The following DNTTIP2 variants were observed in gnomAD, a reference collection of about 807,000 sequenced individuals.
DNTTIP2 encodes the protein deoxynucleotidyltransferase terminal-interacting protein 2.
Under a neutral mutation model 62.4 loss-of-function variants are expected in DNTTIP2, and 47 were observed. The observed-to-expected ratio is 0.75, with a 90% CI of 0.60 to 0.96. DNTTIP2 has a LOEUF of 0.96. Among genes scored for constraint, DNTTIP2 ranks in the 40% least tolerant of loss-of-function variants. The pLI, the probability that DNTTIP2 is intolerant of heterozygous loss-of-function variation, is 0.00. For missense variants in DNTTIP2, 870 were observed against 849.1 expected (o/e 1.02, Z -0.31); for synonymous variants, 322 against 300.9 (o/e 1.07, Z -0.73).
At chr1:93,877,911 G>A in intron 1 of DNTTIP2, 49 bp from the exon 2 acceptor site, 2 of 1,544,022 alleles carry the variant, frequency 1.3e-6, no homozygotes, top group South Asian at 2.4e-5. Context: ...CTGGAACAAG[G>A]GCAAAGCAAA....
chr1:93,873,000 A>G, intron 4 of DNTTIP2, 119 bp downstream of exon 4: 1 of 623,310 alleles, frequency 1.6e-6, no homozygotes, highest in East Asian at 3.0e-5. Flanking sequence ...ATCTGTAATT[A>G]TTTTCTTTGG....
Position 93,877,811 on chromosome 1 carries a change from C to T in DNTTIP2, c.124G>A (p.Asp42Asn). ...QAHPESSTGS[D>N]ARTTAESQTT... is the part of the protein sequence containing the mutation. ...TGTGATTCAGCAGTAGTTCGGGCAT[C>T]AGATCCAGTACTACTTTCTGGATGC... The change falls in exon 2 of 7, where the codon GAT (aspartate) becomes AAT (asparagine). Residue 42 changes from aspartate to asparagine, a missense_variant. Transcript: ENST00000436063. The T allele has an allele frequency of 6.2e-7, 1 of 1,606,126 alleles. No individual in the cohort carries two copies.
chr1:93,875,340 T>C (rs973410219), intron 3 of DNTTIP2, among the ~76,000 whole-genome samples: 3 of 152,166 alleles, frequency 2.0e-5, no homozygotes, highest in African/African-American at 7.2e-5. Context: ...CTCAACAGTC[T>C]ACACTAGTTA....
At chr1:93,878,017 CA>C (rs1159579711) in intron 1 of DNTTIP2, 155 bp from the exon 2 acceptor site, 4 of 1,239,448 alleles carry the variant, frequency 3.2e-6, no homozygotes, top group Non-Finnish European at 4.3e-6. Context: ...TTTAAAAAAT[CA>C]AAATTTGGCC....
chr1:93,875,708 A>G lies in DNTTIP2; in HGVS notation c.1743T>C (p.Asn581=). The change falls in exon 3 of 7, where the codon AAT becomes AAC. Residue 581 remains asparagine (N), a synonymous_variant. Transcript: ENST00000436063. ...KQLGGLYINF[N]ADKLQSNKRT... ...TCTTGTTAGACTGTAGTTTATCTGC[A>G]TTAAAATTAATATACAAACCACCCA... 1.2e-6 allele frequency: 2 copies of G among 1,613,556 alleles called. No homozygotes were observed. The highest frequency in any genetic ancestry group is 4.5e-5 in the East Asian group (2 of 44,836).
intron 6 of DNTTIP2, 149 bp downstream of exon 6, chr1:93,870,534 C>T (rs1008122721): frequency 2.3e-6 from 1 of 431,322 alleles, no homozygotes; most frequent in African/African-American, 2.0e-5. Context: ...GAGATTTGCA[C>T]TAAATTATTT....
chr1:93,876,369 C>T lies in DNTTIP2; in HGVS notation c.1566G>A (p.Glu522=). 1 of 1,572,380 alleles carries T rather than the reference C, an allele frequency of 6.4e-7. No individual in the cohort carries two copies. Among genetic ancestry groups the T allele is most frequent in the Non-Finnish European group, 8.6e-7 (1 of 1,157,546 alleles). ...SEVAIEEEKE[E]EEDEKSEEDS... Reference sequence around the variant, plus strand: ...CTTCTTCACTTTTTTCATCCTCTTCCTCTTCTTTTTCTTCCTCAATGGCAA... The same window carrying T: ...CTTCTTCACTTTTTTCATCCTCTTCTTCTTCTTTTTCTTCCTCAATGGCAA... Residue 522 remains glutamate, a synonymous_variant, in exon 2 of 7, where the codon GAG becomes GAA. Transcript: ENST00000436063.
In DNTTIP2 at chr1:93,876,449, C is replaced by T. The variant is rs748654904; in HGVS notation, c.1486G>A (p.Gly496Arg). Residue 496 changes from glycine to arginine, a missense_variant, in exon 2 of 7, where the codon GGA (glycine) becomes AGA (arginine). Transcript: ENST00000436063. ...TAAAAATTTTTATCAGCACTCATTC[C>T]AGGAGTTGTGTCAATTACAAACAAT... ...NALFVIDTTP[G>R]MSADKNFYLE... 6.2e-7 allele frequency: 1 copy of T among 1,613,802 alleles called. No homozygotes were observed. The highest frequency in any genetic ancestry group is 1.3e-5 in the African/African-American group (1 of 74,990).
Position 93,876,454 on chromosome 1 carries a change from G to C in DNTTIP2, c.1481C>G (p.Thr494Ser), listed in dbSNP as rs1399857308. ...CDNALFVIDT[T>S]PGMSADKNFY... is the part of the protein sequence containing the mutation. ...ATTTTTATCAGCACTCATTCCAGGA[G>C]TTGTGTCAATTACAAACAATGCATT... Residue 494 changes from threonine to serine, a missense_variant, in exon 2 of 7, where the codon ACT becomes AGT. Coordinates refer to ENST00000436063, the MANE Select transcript of DNTTIP2 (RefSeq NM_014597.5). 1 of 1,613,772 alleles carries C rather than the reference G, an allele frequency of 6.2e-7. No individual in the cohort carries two copies. Among genetic ancestry groups the C allele is most frequent in the Non-Finnish European group, 8.5e-7 (1 of 1,179,860 alleles).
intron 3 of DNTTIP2, among the ~76,000 whole-genome samples, chr1:93,874,236 G>T (rs1212458305): frequency 2.6e-5 from 4 of 152,172 alleles, no homozygotes; most frequent in Non-Finnish European, 5.9e-5. Flanking sequence ...TGGTGGTGAG[G>T]ATAAGGAAGA....
At chr1:93,877,885 T>C (rs2100890266) in intron 1 of DNTTIP2, 23 bp from the exon 2 acceptor site, 1 of 1,589,982 alleles carries the variant, frequency 6.3e-7, no homozygotes, top group Non-Finnish European at 8.5e-7. Flanking sequence ...GAAAACACAC[T>C]GTAATTTAGG....
At chr1:93,877,896 T>C (rs1170809542) in intron 1 of DNTTIP2, 34 bp from the exon 2 acceptor site, 4 of 1,580,674 alleles carry the variant, frequency 2.5e-6, no homozygotes, top group Non-Finnish European at 3.4e-6. Flanking sequence ...GTAATTTAGG[T>C]AGGGCTGGAA....
In DNTTIP2 at chr1:93,877,060, GTTTC is replaced by G. The variant is rs758210978; in HGVS notation, c.871_874del (p.Glu291GlnfsTer15). ...ATCCAAATCCTTACAATTCTGTTTT[GTTTC>G]TTTAAGAGATTCAACATTGGCCTGT... is the stretch of plus-strand genomic sequence containing the variant. On this transcript the variant is annotated frameshift_variant, in exon 2 of 7. Coordinates refer to ENST00000436063, the MANE Select transcript of DNTTIP2 (RefSeq NM_014597.5). LOFTEE classifies it high-confidence loss of function. 6 of 1,611,738 alleles carry G rather than the reference GTTTC, an allele frequency of 3.7e-6. No homozygotes were observed. Among genetic ancestry groups the G allele is most frequent in the Admixed American group, 1.7e-5 (1 of 59,974 alleles).
At chr1:93,873,495 A>T (rs1655921987) in intron 3 of DNTTIP2, 2 of 268,118 alleles carry the variant, frequency 7.5e-6, no homozygotes, top group Non-Finnish European at 1.4e-5. Context: ...CCAGCTACTC[A>T]GGACGCTAAG....
rs1209621564 is a variant in DNTTIP2 at position 93,875,528 on chromosome 1, A to C, written c.1806+117T>G. The C allele has an allele frequency of 3.0e-6, 3 of 1,008,622 alleles. No homozygotes were observed. The Admixed American group carries it at 9.7e-5, about 33-fold the overall frequency. 62.5% of individuals were successfully genotyped at this position (1,008,622 alleles called of 1,614,324 possible). A position where few individuals can be genotyped will look rare whatever the true frequency, so the allele number is the denominator to read the frequency against. On this transcript the variant is annotated intron_variant, in intron 3 of 6. Transcript: ENST00000436063. ...ATGACTGTTTTAGAGAGAAGGAAAA[A>C]ACTAACACATTAGGCCAATGTGGTT...
At position 93,867,519 on chromosome 1, in the gene DNTTIP2, G is replaced by C. The variant is rs574374656; in HGVS notation, c.*2332C>G. 2 of 151,774 alleles carry C rather than the reference G, an allele frequency of 1.3e-5. No individual in the cohort carries two copies. The highest frequency in any genetic ancestry group is 6.6e-5 in the Admixed American group (1 of 15,230). The allele number at this position is 151,774 out of a possible 1,614,324, so 9.4% of individuals were successfully genotyped here. Reference sequence around the variant, plus strand: ...TAATCGCTTGAACTTGGGAGGCGGAGGTTGCAGTGAGCTGAGATGGCACCA... The same window carrying C: ...TAATCGCTTGAACTTGGGAGGCGGACGTTGCAGTGAGCTGAGATGGCACCA... On this transcript the variant is annotated 3_prime_UTR_variant, in exon 7 of 7. Coordinates refer to ENST00000436063, the MANE Select transcript of DNTTIP2 (RefSeq NM_014597.5).
chr1:93,870,521 A>G (rs938440734), intron 6 of DNTTIP2, among the ~76,000 whole-genome samples, 162 bp downstream of exon 6: 2 of 152,162 alleles, frequency 1.3e-5, no homozygotes, highest in Admixed American at 6.5e-5. Context: ...GCCAGACATT[A>G]AAGAGATTTG....
Position 93,876,738 on chromosome 1 carries a change from A to G in DNTTIP2, c.1197T>C (p.Asp399=). 6.2e-7 allele frequency: 1 copy of G among 1,613,970 alleles called. No individual in the cohort carries two copies. The highest frequency in any genetic ancestry group is 1.1e-5 in the South Asian group (1 of 91,080). ...TKFGDCGGSD[D]EEESTVISVS... is the part of the protein sequence containing the mutation. ...CACTTATAACTGTGGACTCTTCTTC[A>G]TCATCACTACCACCACAATCACCAA... is the stretch of plus-strand genomic sequence containing the variant. Residue 399 remains aspartate (D), a synonymous_variant, in exon 2 of 7, where the codon GAT becomes GAC. Coordinates refer to ENST00000436063, the MANE Select transcript of DNTTIP2 (RefSeq NM_014597.5).
rs769028428 is a variant in DNTTIP2 at position 93,876,443 on chromosome 1, T to G, written c.1492A>C (p.Ser498Arg). The G allele has an allele frequency of 5.6e-6, 9 of 1,613,748 alleles. No individual in the cohort carries two copies. In the Admixed American group the frequency reaches 1.5e-4, roughly 27 times the overall value. The change falls in exon 2 of 7, where the codon AGT becomes CGT. Residue 498 changes from serine to arginine, a missense_variant. Ser to Arg is a moderately radical substitution (Grantham distance 110). Coordinates refer to ENST00000436063, the MANE Select transcript of DNTTIP2 (RefSeq NM_014597.5). ...TCCAAGTAAAAATTTTTATCAGCACTCATTCCAGGAGTTGTGTCAATTACA... is the reference window on the plus strand; with the variant it reads ...TCCAAGTAAAAATTTTTATCAGCACGCATTCCAGGAGTTGTGTCAATTACA... ...LFVIDTTPGM[S>R]ADKNFYLEEE...
Sources: gnomAD v4.1 joint callset for allele counts (sites outside exome capture counted in the v4.1 genomes callset) on GRCh38, gnomAD v4.1.1 for gene constraint, MANE v1.5 for transcripts, NCBI Gene and HGNC (gene_info 2026-07-23, HGNC 2026-07-21) for gene names.